EDARADD: variants seen among roughly 807,000 people sequenced by gnomAD.
EDARADD encodes the protein ectodysplasin-A receptor-associated adapter protein.
Under a neutral mutation model 25.6 loss-of-function variants are expected in EDARADD, and 20 were observed. The observed-to-expected ratio is 0.78, with a 90% CI of 0.55 to 1.14. EDARADD has a LOEUF of 1.14. EDARADD is among the 50% of genes most tolerant of loss of function. The pLI is 0.00. For missense variants in EDARADD, 225 were observed against 270.1 expected (o/e 0.83, Z 1.17); for synonymous variants, 86 against 94.4 (o/e 0.91, Z 0.52).
At chr1:236,418,391 A>C (rs2103012392) in intron 3 of EDARADD, among the ~76,000 whole-genome samples, 1 of 149,304 alleles carries the variant, frequency 6.7e-6, no homozygotes, top group East Asian at 2.0e-4. Context: ...ACTACAGGCG[A>C]CCACCACCAC....
At chr1:236,383,064 T>C (rs1391920317) in intron 3 of EDARADD, among the ~76,000 whole-genome samples, 1 of 152,172 alleles carries the variant, frequency 6.6e-6, no homozygotes, top group African/African-American at 2.4e-5. Context: ...CAGCAGTCTC[T>C]GTCTGAGTGT....
At chr1:236,382,875 A>C (rs763165247) in intron 3 of EDARADD, among the ~76,000 whole-genome samples, 1 of 152,142 alleles carries the variant, frequency 6.6e-6, no homozygotes, top group Non-Finnish European at 1.5e-5. Flanking sequence ...CCAGCCTTGG[A>C]TAATTTCCAG....
chr1:236,473,265 G>T (rs1482175015), intron 5 of EDARADD, among the ~76,000 whole-genome samples: 1 of 152,060 alleles, frequency 6.6e-6, no homozygotes, highest in Admixed American at 6.6e-5. Flanking sequence ...TAGGGGGAGG[G>T]TGCCACTTTA....
chr1:236,430,136 G>A (rs938156601), intron 4 of EDARADD, among the ~76,000 whole-genome samples: 1 of 152,162 alleles, frequency 6.6e-6, no homozygotes, highest in Non-Finnish European at 1.5e-5. Context: ...ATGGTCAGTG[G>A]TGCTAGTTTT....
intron 5 of EDARADD, among the ~76,000 whole-genome samples, chr1:236,480,050 C>T (rs1177196365): frequency 7.5e-6 from 1 of 133,792 alleles, no homozygotes; most frequent in Non-Finnish European, 1.6e-5. Flanking sequence ...TCTCAAAAAA[C>T]AAAACAAAAT....
intron 3 of EDARADD, among the ~76,000 whole-genome samples, chr1:236,357,873 A>G (rs985580453): frequency 5.9e-5 from 8 of 136,666 alleles, no homozygotes; most frequent in Non-Finnish European, 9.4e-5. Context: ...ACTTTATTTT[A>G]TTTAATTTTT....
Position 236,484,005 on chromosome 1 carries a change from A to C in EDARADD, c.*1356A>C. The C allele has an allele frequency of 6.9e-7, 1 of 1,440,170 alleles. No homozygotes were observed. Among genetic ancestry groups the C allele is most frequent in the Non-Finnish European group, 9.8e-7 (1 of 1,023,694 alleles). The allele number at this position is 1,440,170 out of a possible 1,614,324, so 89.2% of individuals were successfully genotyped here. Reference sequence around the variant, plus strand: ...ACCTGACTGTCTGGCTGACCTGTACAAGTCCTTCATCAAAAACTACCCAGT... The same window carrying C: ...ACCTGACTGTCTGGCTGACCTGTACCAGTCCTTCATCAAAAACTACCCAGT... On this transcript the variant is annotated 3_prime_UTR_variant, in exon 6 of 6. Transcript: ENST00000334232. This position sits in a 1 kb window ranked among gnomAD's most constrained non-coding sequence, Gnocchi z 4.1.
chr1:236,393,391 C>CTTTCTTTTTTTTTTTT (rs1553264552), upstream of EDARADD, among the ~76,000 whole-genome samples: 1 of 87,212 alleles, frequency 1.1e-5, no homozygotes, highest in African/African-American at 5.2e-5. Context: ...TTCTTTCTTT[C>CTTTCTTTTTTTTTTTT]TTTTTTTTTT....
chr1:236,421,799 GT>G (rs1159916828), intron 3 of EDARADD, among the ~76,000 whole-genome samples: 1 of 152,054 alleles, frequency 6.6e-6, no homozygotes, highest in Non-Finnish European at 1.5e-5. Flanking sequence ...GCCCTTCCCA[GT>G]TCTACCAATG....
chr1:236,379,465 C>T (rs12131430), intron 3 of EDARADD, among the ~76,000 whole-genome samples: 16,556 of 151,622 alleles, frequency 0.11, 1,495 homozygotes, highest in East Asian at 0.3. Context: ...ATTGAAATAC[C>T]GGTGATAGGC....
At chr1:236,427,257 T>C in intron 3 of EDARADD, 135 bp from the exon 4 acceptor site, 1 of 795,934 alleles carries the variant, frequency 1.3e-6, no homozygotes. Flanking sequence ...GAATTTGTAG[T>C]CCAGCCCTTC....
intron 4 of EDARADD, among the ~76,000 whole-genome samples, chr1:236,448,278 G>A (rs16833688): frequency 0.074 from 11,236 of 152,276 alleles, 762 homozygotes; most frequent in African/African-American, 0.17. Flanking sequence ...AGGAAGGCTG[G>A]CTTAGACCAC....
intron 3 of EDARADD, among the ~76,000 whole-genome samples, chr1:236,388,214 A>T (rs74656826): frequency 0.06 from 9,178 of 152,034 alleles, 470 homozygotes; most frequent in African/African-American, 0.14. Context: ...TCATATTCCA[A>T]ACACATACAT....
At chr1:236,425,026 C>A (rs967895047) in intron 3 of EDARADD, among the ~76,000 whole-genome samples, 3 of 152,184 alleles carry the variant, frequency 2.0e-5, no homozygotes, top group Admixed American at 6.5e-5. Context: ...GTGTTGGGAG[C>A]CAGGTGGCCC....
intron 5 of EDARADD, 41 bp downstream of exon 5, chr1:236,468,317 T>G: frequency 6.3e-7 from 1 of 1,592,950 alleles, no homozygotes; most frequent in Non-Finnish European, 8.6e-7. Flanking sequence ...TAATAGCTAG[T>G]GTGGCTGAAT....
chr1:236,431,396 C>T (rs1558122510), intron 4 of EDARADD, among the ~76,000 whole-genome samples: 1 of 152,088 alleles, frequency 6.6e-6, no homozygotes, highest in Non-Finnish European at 1.5e-5. Context: ...AGTCTGGCAA[C>T]ATAGCAAGAC....
intron 5 of EDARADD, among the ~76,000 whole-genome samples, chr1:236,469,857 G>A (rs535940284): frequency 2.6e-5 from 4 of 151,762 alleles, no homozygotes; most frequent in Non-Finnish European, 5.9e-5. Context: ...GTGCAATGGT[G>A]CGCCACCACG....
At chr1:236,370,240 G>A (rs944553413) in intron 3 of EDARADD, among the ~76,000 whole-genome samples, 1 of 152,070 alleles carries the variant, frequency 6.6e-6, no homozygotes. Context: ...GGACAACATG[G>A]TGAAACCCCC....
upstream of EDARADD, chr1:236,394,250 T>A (rs1178123060): frequency 1.7e-6 from 1 of 596,642 alleles, no homozygotes; most frequent in African/African-American, 1.9e-5. Context: ...TAAGATAAAA[T>A]ACCCTTAAAA....
Sources: allele counts gnomAD v4.1 joint callset (sites outside exome capture counted in the v4.1 genomes callset), GRCh38; gene constraint gnomAD v4.1.1; non-coding constraint Gnocchi (gnomAD v3.1); transcripts MANE v1.5; gene names NCBI Gene and HGNC (gene_info 2026-07-23, HGNC 2026-07-21).